The following CACNA1D variants were observed in gnomAD, a reference collection of about 807,000 sequenced individuals.
CACNA1D encodes voltage-dependent L-type calcium channel subunit alpha-1D.
Under a neutral mutation model 257.1 loss-of-function variants are expected in CACNA1D, and 55 were observed. That is an observed-to-expected ratio of 0.21 (90% CI 0.17 to 0.27). CACNA1D has a LOEUF of 0.27. Ranked by LOEUF, CACNA1D falls within the 10% of genes least tolerant of loss-of-function variation. CACNA1D has a pLI of 1.00. For missense variants in CACNA1D, 1,876 were observed against 2,784.0 expected (o/e 0.67, Z 7.34); for synonymous variants, 980 against 1,014.9 (o/e 0.97, Z 0.65).
chr3:53,712,547 G>T (rs549728397), intron 9 of CACNA1D, among the ~76,000 whole-genome samples: 1 of 152,166 alleles, frequency 6.6e-6, no homozygotes, highest in South Asian at 2.1e-4. Flanking sequence ...TGTGCCTTTA[G>T]GGGGTGTGTG....
chr3:53,621,738 G>A (rs989674622), intron 3 of CACNA1D, among the ~76,000 whole-genome samples: 2 of 152,138 alleles, frequency 1.3e-5, no homozygotes, highest in Non-Finnish European at 2.9e-5. Context: ...ACATTTGTAC[G>A]CAGGACAAAT....
At chr3:53,709,686 A>T (rs751048415) in intron 9 of CACNA1D, among the ~76,000 whole-genome samples, 2 of 152,186 alleles carry the variant, frequency 1.3e-5, no homozygotes, top group Non-Finnish European at 2.9e-5. Context: ...TCATGGAATC[A>T]TGGGGCTGCA....
At chr3:53,809,834 A>C (rs2095586860) in intron 46 of CACNA1D, 144 bp from the exon 47 acceptor site, 4 of 764,512 alleles carry the variant, frequency 5.2e-6, no homozygotes, top group Non-Finnish European at 9.5e-6. Flanking sequence ...CATTCAGCGT[A>C]CTTCAGTGTG....
rs541385062 is a variant in CACNA1D, at chr3:53,770,507, G to T, written c.3999G>T (p.Gly1333=). The change falls in exon 32 of 48, where the codon GGG becomes GGT. Residue 1333 remains glycine, a synonymous_variant. Transcript: ENST00000350061. ...GATTGGTGAAGCTTCTCAGCAGGGG[G>T]GAAGGCATCCGGACATTGCTGTGGA... ...VMRLVKLLSR[G]EGIRTLLWTF... is the part of the protein sequence containing the mutation. The T allele has an allele frequency of 1.9e-6, 3 of 1,613,626 alleles. No homozygotes were observed. The highest frequency in any genetic ancestry group is 2.2e-5 in the East Asian group (1 of 44,890).
intron 21 of CACNA1D, among the ~76,000 whole-genome samples, chr3:53,742,021 A>G (rs1398498643): frequency 6.6e-6 from 1 of 152,230 alleles, no homozygotes; most frequent in African/African-American, 2.4e-5. Context: ...ATGGAAAATA[A>G]GCTAAAACAA....
rs2095360818 is a variant in CACNA1D, at chr3:53,770,571, A to G, written c.4044+19A>G. On this transcript the variant is annotated intron_variant, in intron 32 of 47. Transcript: ENST00000350061. ...CTTTCAGGTAAGAGCCATGCCAAGG[A>G]CTTCTCTCTTTGTCTTTGAAGATCA... 2 of 1,612,556 alleles carry G rather than the reference A, an allele frequency of 1.2e-6. No individual in the cohort carries two copies. The highest frequency in any genetic ancestry group is 1.7e-6 in the Non-Finnish European group (2 of 1,178,766).
intron 28 of CACNA1D, 70 bp from the exon 29 acceptor site, chr3:53,753,502 A>G: frequency 9.8e-7 from 1 of 1,025,380 alleles, no homozygotes. Context: ...GAGGGCTGGG[A>G]GCCTCCATGT....
chr3:53,691,814 T>TAC (rs1491405201), intron 8 of CACNA1D, among the ~76,000 whole-genome samples: 5 of 94,018 alleles, frequency 5.3e-5, no homozygotes, highest in Non-Finnish European at 8.4e-5. Context: ...TAATATATAT[T>TAC]ATATATTATA....
intron 4 of CACNA1D, among the ~76,000 whole-genome samples, chr3:53,654,982 A>G (rs1202589695): frequency 2.0e-5 from 3 of 152,192 alleles, no homozygotes. Flanking sequence ...TATTAAAATC[A>G]TTATCATGAA....
intron 29 of CACNA1D, among the ~76,000 whole-genome samples, chr3:53,759,062 T>C (rs558743414): frequency 6.6e-6 from 1 of 152,336 alleles, no homozygotes; most frequent in South Asian, 2.1e-4. Context: ...GAGCCTGTGA[T>C]TTCAGCCACC....
chr3:53,725,192 CCA>C (rs2094923409), intron 14 of CACNA1D, among the ~76,000 whole-genome samples: 1 of 152,202 alleles, frequency 6.6e-6, no homozygotes, highest in Non-Finnish European at 1.5e-5. Flanking sequence ...AGGAGACTTT[CCA>C]CAGACAGGAG....
intron 3 of CACNA1D, among the ~76,000 whole-genome samples, chr3:53,638,764 A>G (rs2093915131): frequency 6.6e-6 from 1 of 152,174 alleles, no homozygotes; most frequent in Admixed American, 6.5e-5. Flanking sequence ...CATGGTGGCC[A>G]CCTCTAGGTA....
intron 5 of CACNA1D, among the ~76,000 whole-genome samples, chr3:53,661,387 G>T (rs2094202466): frequency 1.3e-5 from 2 of 152,146 alleles, no homozygotes; most frequent in African/African-American, 2.4e-5. Context: ...TGTTTTATGT[G>T]TACTTGTTTT....
intron 3 of CACNA1D, among the ~76,000 whole-genome samples, chr3:53,539,244 G>A (rs1309787171): frequency 1.3e-5 from 2 of 151,968 alleles, no homozygotes; most frequent in Non-Finnish European, 2.9e-5. Context: ...CTAGTAGCTG[G>A]GATTACAGAT....
intron 20 of CACNA1D, among the ~76,000 whole-genome samples, chr3:53,736,599 A>C (rs1296843872): frequency 5.3e-5 from 8 of 152,070 alleles, no homozygotes; most frequent in Non-Finnish European, 1.2e-4. Context: ...ATATACAAAG[A>C]GTTATTAATT....
intron 3 of CACNA1D, among the ~76,000 whole-genome samples, chr3:53,578,292 G>C (rs900075366): frequency 3.3e-5 from 5 of 152,142 alleles, no homozygotes; most frequent in Non-Finnish European, 5.9e-5. Flanking sequence ...AGCCAGGCCT[G>C]AGGAGGGGTG....
At chr3:53,622,754 A>T (rs776546099) in intron 3 of CACNA1D, among the ~76,000 whole-genome samples, 16 of 152,214 alleles carry the variant, frequency 1.1e-4, no homozygotes, top group Non-Finnish European at 2.4e-4. Flanking sequence ...ACTTAAAAAA[A>T]GGTAGAAACA....
chr3:53,497,576 A>G, intron 2 of CACNA1D, 115 bp downstream of exon 2: 1 of 1,078,240 alleles, frequency 9.3e-7, no homozygotes, highest in Non-Finnish European at 1.4e-6. Flanking sequence ...CGAGTAACAG[A>G]AGTTGTATAT....
At chr3:53,722,943 G>A (rs943606930) in intron 12 of CACNA1D, among the ~76,000 whole-genome samples, 11 of 152,118 alleles carry the variant, frequency 7.2e-5, no homozygotes, top group East Asian at 3.9e-4. Flanking sequence ...AGTCAAACCC[G>A]TTTCCCTCTA....
Sources: allele counts gnomAD v4.1 joint callset (sites outside exome capture counted in the v4.1 genomes callset), GRCh38; gene constraint gnomAD v4.1.1; transcripts MANE v1.5; gene names NCBI Gene and HGNC (gene_info 2026-07-23, HGNC 2026-07-21).